RALA: variants seen among roughly 807,000 people sequenced by gnomAD.
RALA encodes ras-related protein Ral-A.
In RALA, 5 loss-of-function variants were observed where a neutral mutation model predicts 24.0. That is an observed-to-expected ratio of 0.21 (90% CI 0.11 to 0.44). RALA has a LOEUF of 0.44. Among genes scored for constraint, RALA ranks in the 20% least tolerant of loss-of-function variants. The pLI is 0.99. For missense variants in RALA, 95 were observed against 241.2 expected (o/e 0.39, Z 4.01); for synonymous variants, 77 against 83.8 (o/e 0.92, Z 0.44).
At chr7:39,688,127 G>A (rs1792741532) in intron 2 of RALA, among the ~76,000 whole-genome samples, 1 of 152,054 alleles carries the variant, frequency 6.6e-6, no homozygotes, top group Non-Finnish European at 1.5e-5. Context: ...TCTGTCAGTT[G>A]CCATGCTTGT....
At chr7:39,676,407 G>C (rs937365502) in intron 1 of RALA, among the ~76,000 whole-genome samples, 1 of 152,174 alleles carries the variant, frequency 6.6e-6, no homozygotes, top group African/African-American at 2.4e-5. Flanking sequence ...AACAGGTTAT[G>C]TATCCTTTAT....
chr7:39,673,851 T>C (rs992365068), intron 1 of RALA, among the ~76,000 whole-genome samples: 3 of 151,980 alleles, frequency 2.0e-5, no homozygotes, highest in Admixed American at 6.6e-5. Context: ...AGGGTCTCCC[T>C]TAAGAGGGTT....
intron 1 of RALA, among the ~76,000 whole-genome samples, chr7:39,682,677 C>G (rs1792626457): frequency 6.6e-6 from 1 of 152,200 alleles, no homozygotes; most frequent in African/African-American, 2.4e-5. Context: ...GAGTCTCACT[C>G]TGTTGCCCAG....
At chr7:39,694,401 CT>C (rs1363477847) in intron 3 of RALA, among the ~76,000 whole-genome samples, 1 of 152,154 alleles carries the variant, frequency 6.6e-6, no homozygotes, top group Non-Finnish European at 1.5e-5. Flanking sequence ...TTTGTATTCT[CT>C]TGGTATCTAC....
chr7:39,686,362 A>G (rs1351785845), intron 1 of RALA, among the ~76,000 whole-genome samples: 1 of 152,202 alleles, frequency 6.6e-6, no homozygotes, highest in African/African-American at 2.4e-5. Flanking sequence ...TTGTACTGGG[A>G]AATTTTCACT....
intron 1 of RALA, among the ~76,000 whole-genome samples, chr7:39,655,938 G>T (rs759149983): frequency 3.9e-5 from 6 of 152,170 alleles, no homozygotes; most frequent in Non-Finnish European, 8.8e-5. Flanking sequence ...TTTCACCTAT[G>T]AGCAATGTGG....
chr7:39,681,763 C>T (rs916934924), intron 1 of RALA, among the ~76,000 whole-genome samples: 1 of 152,082 alleles, frequency 6.6e-6, no homozygotes, highest in East Asian at 1.9e-4. Context: ...TGTAAACTGA[C>T]GTGCAATTTT....
chr7:39,678,125 A>C (rs1299547469), intron 1 of RALA, among the ~76,000 whole-genome samples: 1 of 151,380 alleles, frequency 6.6e-6, no homozygotes, highest in African/African-American at 2.4e-5. Flanking sequence ...GCGCACCAGC[A>C]TGGCACATGT....
chr7:39,682,328 G>A (rs781279618), intron 1 of RALA, among the ~76,000 whole-genome samples: 11 of 151,992 alleles, frequency 7.2e-5, no homozygotes, highest in Non-Finnish European at 1.5e-4. Flanking sequence ...TGCTGCTGCT[G>A]TACCCCAAGC....
intron 4 of RALA, among the ~76,000 whole-genome samples, chr7:39,702,041 T>G (rs1368513840): frequency 6.6e-6 from 1 of 152,226 alleles, no homozygotes; most frequent in African/African-American, 2.4e-5. Flanking sequence ...GCAGTGTGAT[T>G]TATTATGTCA....
intron 1 of RALA, among the ~76,000 whole-genome samples, chr7:39,644,604 T>G (rs1791893502): frequency 6.6e-6 from 1 of 152,222 alleles, no homozygotes; most frequent in Non-Finnish European, 1.5e-5. Context: ...ATACTTTGTT[T>G]CATCCTTCAT....
chr7:39,701,284 GCAGATTACTTGAGC>G (rs1472669263), intron 4 of RALA, among the ~76,000 whole-genome samples: 1 of 152,194 alleles, frequency 6.6e-6, no homozygotes, highest in East Asian at 1.9e-4. Flanking sequence ...GCCGAGGCAG[GCAGATTACTTGAGC>G]CCAGGAGTTT....
intron 1 of RALA, among the ~76,000 whole-genome samples, chr7:39,641,102 C>G (rs1300857421): frequency 6.6e-6 from 1 of 152,092 alleles, no homozygotes; most frequent in Non-Finnish European, 1.5e-5. Context: ...GTAGCACATC[C>G]TAATTTAGTC....
intron 1 of RALA, among the ~76,000 whole-genome samples, chr7:39,649,957 G>A (rs1411447382): frequency 6.6e-6 from 1 of 152,250 alleles, no homozygotes; most frequent in East Asian, 1.9e-4. Context: ...TAGCAGTGTG[G>A]AGGTGACCTT....
At chr7:39,682,556 C>T (rs772705065) in intron 1 of RALA, among the ~76,000 whole-genome samples, 7 of 152,256 alleles carry the variant, frequency 4.6e-5, no homozygotes, top group Non-Finnish European at 8.8e-5. Context: ...TTGGCCTCTG[C>T]CTACCTGTCA....
intron 1 of RALA, among the ~76,000 whole-genome samples, chr7:39,685,429 G>A (rs1379113733): frequency 1.3e-5 from 2 of 152,186 alleles, no homozygotes; most frequent in African/African-American, 2.4e-5. Context: ...GTTTGTGTCC[G>A]AAACAAGTCA....
chr7:39,653,810 C>T (rs751864008), intron 1 of RALA, among the ~76,000 whole-genome samples: 21 of 152,188 alleles, frequency 1.4e-4, no homozygotes, highest in Non-Finnish European at 2.4e-4. Context: ...AGTACCTATT[C>T]CTCCTGGGTG....
At chr7:39,647,150 C>T (rs1791940178) in intron 1 of RALA, among the ~76,000 whole-genome samples, 1 of 152,182 alleles carries the variant, frequency 6.6e-6, no homozygotes, top group South Asian at 2.1e-4. Flanking sequence ...TCGAGCAATC[C>T]TCCCACCTCA....
intron 4 of RALA, among the ~76,000 whole-genome samples, chr7:39,699,785 T>G (rs1792990823): frequency 6.6e-6 from 1 of 152,236 alleles, no homozygotes; most frequent in South Asian, 2.1e-4. Flanking sequence ...TCCAGAGAAT[T>G]AAGCCACAGT....
Sources: gnomAD v4.1 joint callset for allele counts (sites outside exome capture counted in the v4.1 genomes callset) on GRCh38, gnomAD v4.1.1 for gene constraint, MANE v1.5 for transcripts, NCBI Gene and HGNC (gene_info 2026-07-23, HGNC 2026-07-21) for gene names.